The following B3GNT4 variants were observed in gnomAD, a reference collection of about 807,000 sequenced individuals.
B3GNT4 encodes the protein N-acetyllactosaminide beta-1,3-N-acetylglucosaminyltransferase 4.
Under a neutral mutation model 2.7 loss-of-function variants are expected in B3GNT4, and 2 were observed. That is an observed-to-expected ratio of 0.73 (90% confidence interval 0.30 to 2.31). The LOEUF (loss-of-function observed/expected upper bound fraction) is 2.31. Among genes scored for constraint, B3GNT4 ranks in the 30% most tolerant of loss-of-function variants. B3GNT4 has a pLI of 0.12. For missense variants in B3GNT4, 708 were observed against 490.9 expected (o/e 1.44, Z -4.18); for synonymous variants, 280 against 203.4 (o/e 1.38, Z -3.20).
At position 122,207,501 on chromosome 12, in the gene B3GNT4, TCA is replaced by T. The variant is rs1953950423; in HGVS notation, c.*115_*116del. The stretch of plus-strand genomic sequence containing the variant: ...TGCCAACTTGGTTTTTTAACTCCTC[TCA>T]CCCTGTTAGCTCTGATTAAAAACAC... On this transcript the variant is annotated 3_prime_UTR_variant, in exon 3 of 3. Transcript: ENST00000324189. 1 of 979,640 alleles carries T rather than the reference TCA, an allele frequency of 1.0e-6. No individual in the cohort carries two copies. 60.7% of individuals were successfully genotyped at this position (979,640 alleles called of 1,614,324 possible).
chr12:122,208,391 C>G lies in B3GNT4; in HGVS notation c.*1003C>G. On this transcript the variant is annotated 3_prime_UTR_variant, in exon 3 of 3. Transcript: ENST00000324189. Reference sequence around the variant, plus strand: ...AGTGTGCTCAGGCCCTCAATCCTCACGCAGGTAGGCCTCCTGCTCCGACTC... The same window carrying G: ...AGTGTGCTCAGGCCCTCAATCCTCAGGCAGGTAGGCCTCCTGCTCCGACTC... The G allele has an allele frequency of 1.2e-6, 2 of 1,612,434 alleles. No homozygotes were observed. Among genetic ancestry groups the G allele is most frequent in the East Asian group, 4.5e-5 (2 of 44,890 alleles).
rs752646534 is a variant in B3GNT4 at position 122,208,684 on chromosome 12, G to A, written c.*1296G>A. The A allele has an allele frequency of 1.5e-5, 17 of 1,167,778 alleles. 1 individual carries two copies. The highest frequency in any genetic ancestry group is 3.8e-4 in the Middle Eastern group (2 of 5,284). The allele number at this position is 1,167,778 out of a possible 1,614,324, so 72.3% of individuals were successfully genotyped here. Reference sequence around the variant, plus strand: ...GGCTGTCATCTGAACCCCTCTTGGGGTCACTTTCCTTGACCTCCCTGTCTT... The same window carrying A: ...GGCTGTCATCTGAACCCCTCTTGGGATCACTTTCCTTGACCTCCCTGTCTT... On this transcript the variant is annotated 3_prime_UTR_variant, in exon 3 of 3. Coordinates refer to ENST00000324189, the MANE Select transcript of B3GNT4 (RefSeq NM_030765.4).
chr12:122,207,349 G>C lies in B3GNT4; in HGVS notation c.1098G>C (p.Glu366Asp). The C allele has an allele frequency of 3.1e-6, 5 of 1,598,500 alleles. No individual in the cohort carries two copies. Among genetic ancestry groups the C allele is most frequent in the Non-Finnish European group, 4.3e-6 (5 of 1,171,134 alleles). ...CCATGTGGGCACTGGTGACAGATGA[G>C]GGGCTCAAGTGTGCAGCTGGCCCCA... is the stretch of plus-strand genomic sequence containing the variant. ...MWTMWALVTD[E>D]GLKCAAGPIP... Residue 366 changes from glutamate to aspartate, a missense_variant, in exon 3 of 3, where the codon GAG (glutamate) becomes GAC (aspartate). Coordinates refer to ENST00000324189, the MANE Select transcript of B3GNT4 (RefSeq NM_030765.4).
chr12:122,204,054 C>A (rs982447894), intron 1 of B3GNT4, among the ~76,000 whole-genome samples: 1 of 151,914 alleles, frequency 6.6e-6, no homozygotes. Context: ...CGGTAGACCC[C>A]GCCAGCCTGG....
At chr12:122,206,261 A>C in intron 2 of B3GNT4, 57 bp from the exon 3 acceptor site, 2 of 1,425,296 alleles carry the variant, frequency 1.4e-6, no homozygotes, top group Non-Finnish European at 1.9e-6. Context: ...CTCCTGCCCA[A>C]CTCTTGGGGA....
chr12:122,204,970 C>T, intron 2 of B3GNT4: 1 of 446,046 alleles, frequency 2.2e-6, no homozygotes, highest in Admixed American at 3.7e-5. Flanking sequence ...TTCCAGGCTG[C>T]AGTGAGCTAT....
At chr12:122,204,954 C>G (rs1047900643) in intron 2 of B3GNT4, 5 of 476,986 alleles carry the variant, frequency 1.0e-5, no homozygotes. Flanking sequence ...CGCTTGAACC[C>G]AGGAGTTCCA....
Position 122,207,481 on chromosome 12 carries a change from A to G in B3GNT4, c.*93A>G. On this transcript the variant is annotated 3_prime_UTR_variant, in exon 3 of 3. Coordinates refer to ENST00000324189, the MANE Select transcript of B3GNT4 (RefSeq NM_030765.4). ...GCCTGCTGCTCTACAGAAAATGCCA[A>G]CTTGGTTTTTTAACTCCTCTCACCC... The G allele has an allele frequency of 7.9e-7, 1 of 1,268,470 alleles. No homozygotes were observed. Among genetic ancestry groups the G allele is most frequent in the Non-Finnish European group, 1.1e-6 (1 of 945,204 alleles). The allele number at this position is 1,268,470 out of a possible 1,614,324, so 78.6% of individuals were successfully genotyped here. A position where few individuals can be genotyped will look rare whatever the true frequency, so the allele number is the denominator to read the frequency against.
At position 122,206,467 on chromosome 12, in the gene B3GNT4, T is replaced by C. The variant is rs761809734; in HGVS notation, c.216T>C (p.Arg72=). The change falls in exon 3 of 3, where the codon CGT becomes CGC. Residue 72 remains arginine (R), a synonymous_variant. Coordinates refer to ENST00000324189, the MANE Select transcript of B3GNT4 (RefSeq NM_030765.4). ...HQPFWAPPTP[R]HSRCPPNHTV... ...CTTTCTGGGCTCCCCCAACACCCCG[T>C]CACAGCCGGTGTCCACCCAACCACA... is the stretch of plus-strand genomic sequence containing the variant. The C allele has an allele frequency of 5.6e-6, 9 of 1,613,982 alleles. No individual in the cohort carries two copies. The African/African-American group carries it at 1.2e-4, about 22-fold the overall frequency.
rs756552864 is a variant in B3GNT4, at chr12:122,207,093, A to G, written c.842A>G (p.Tyr281Cys). 1.2e-6 allele frequency: 2 copies of G among 1,614,068 alleles called. No individual in the cohort carries two copies. The highest frequency in any genetic ancestry group is 2.2e-5 in the East Asian group (1 of 44,886). Reference protein sequence around the residue: ...HYPPYAGGGGYVMSRATVRRL... With the variant: ...HYPPYAGGGGCVMSRATVRRL... Reference sequence around the variant, plus strand: ...CCACCCTATGCTGGTGGGGGAGGATATGTCATGTCCAGAGCCACAGTGCGG... The same window carrying G: ...CCACCCTATGCTGGTGGGGGAGGATGTGTCATGTCCAGAGCCACAGTGCGG... The change falls in exon 3 of 3, where the codon TAT becomes TGT. Residue 281 changes from tyrosine (Y) to cysteine (C), a missense_variant. Physicochemically the swap from Tyr to Cys is radical, Grantham distance 194. Coordinates refer to ENST00000324189, the MANE Select transcript of B3GNT4 (RefSeq NM_030765.4).
At position 122,206,525 on chromosome 12, in the gene B3GNT4, C is replaced by G; in HGVS notation, c.274C>G (p.Arg92Gly). ...VSSASLSLPS[R>G]HRLFLTYRHC... is the part of the protein sequence containing the mutation. Reference sequence around the variant, plus strand: ...TAGCGCCTCTCTGTCCCTGCCTAGCCGTCACCGTCTCTTCTTGACCTATCG... The same window carrying G: ...TAGCGCCTCTCTGTCCCTGCCTAGCGGTCACCGTCTCTTCTTGACCTATCG... Residue 92 changes from arginine to glycine, a missense_variant, in exon 3 of 3, where the codon CGT becomes GGT. Transcript: ENST00000324189. The G allele has an allele frequency of 6.2e-7, 1 of 1,614,200 alleles. No individual in the cohort carries two copies. Among genetic ancestry groups the G allele is most frequent in the Admixed American group, 1.7e-5 (1 of 60,022 alleles).
Position 122,207,690 on chromosome 12 carries a change from TTTCAGATGCAAACAAA to T in B3GNT4, c.*303_*318del, listed in dbSNP as rs760396817. ...GACCCCAGGAGAGACGCATTTTCTCTTTCAGATGCAAACAAAATCTTACACTCTTCTCCTTTGGATA... is the reference window on the plus strand; with the variant it reads ...GACCCCAGGAGAGACGCATTTTCTCTATCTTACACTCTTCTCCTTTGGATA... On this transcript the variant is annotated 3_prime_UTR_variant, in exon 3 of 3. Coordinates refer to ENST00000324189, the MANE Select transcript of B3GNT4 (RefSeq NM_030765.4). The T allele has an allele frequency of 5.5e-4, 329 of 594,442 alleles. 2 individuals carry two copies. The highest frequency in any genetic ancestry group is 8.2e-4 in the Non-Finnish European group (260 of 317,484). The allele number at this position is 594,442 out of a possible 1,614,324, so 36.8% of individuals were successfully genotyped here. A position where few individuals can be genotyped will look rare whatever the true frequency, so the allele number is the denominator to read the frequency against.
chr12:122,207,696 A>T lies in B3GNT4; in HGVS notation c.*308A>T. 1 of 579,496 alleles carries T rather than the reference A, an allele frequency of 1.7e-6. No homozygotes were observed. The highest frequency in any genetic ancestry group is 1.5e-5 in the South Asian group (1 of 65,544). The allele number at this position is 579,496 out of a possible 1,614,324, so 35.9% of individuals were successfully genotyped here. ...AGGAGAGACGCATTTTCTCTTTCAGATGCAAACAAAATCTTACACTCTTCT... is the reference window on the plus strand; with the variant it reads ...AGGAGAGACGCATTTTCTCTTTCAGTTGCAAACAAAATCTTACACTCTTCT... On this transcript the variant is annotated 3_prime_UTR_variant, in exon 3 of 3. Transcript: ENST00000324189.
Position 122,206,947 on chromosome 12 carries a change from G to A in B3GNT4, c.696G>A (p.Leu232=), listed in dbSNP as rs1953931249. 1 of 1,613,974 alleles carries A rather than the reference G, an allele frequency of 6.2e-7. No individual in the cohort carries two copies. The highest frequency in any genetic ancestry group is 1.7e-5 in the Admixed American group (1 of 59,988). The change falls in exon 3 of 3, where the codon CTG becomes CTA. Residue 232 remains leucine, a synonymous_variant. Transcript: ENST00000324189. ...FVHVPNVLEF[L]DGWDPAQDLL... ...ACGTCCCCAACGTGTTAGAGTTCCT[G>A]GATGGCTGGGACCCAGCCCAGGACC...
In B3GNT4 at chr12:122,206,976, T is replaced by A; in HGVS notation, c.725T>A (p.Leu242Gln). 1 of 1,614,048 alleles carries A rather than the reference T, an allele frequency of 6.2e-7. No homozygotes were observed. Among genetic ancestry groups the A allele is most frequent in the Non-Finnish European group, 8.5e-7 (1 of 1,179,976 alleles). Residue 242 changes from leucine to glutamine, a missense_variant, in exon 3 of 3, where the codon CTG (leucine) becomes CAG (glutamine). Transcript: ENST00000324189. The part of the protein sequence containing the change: ...LDGWDPAQDL[L>Q]VGDVIRQALP... ...GGCTGGGACCCAGCCCAGGACCTCC[T>A]GGTGGGAGATGTCATCCGCCAAGCC...
intron 2 of B3GNT4, 104 bp downstream of exon 2, chr12:122,204,788 C>A: frequency 9.6e-7 from 1 of 1,036,742 alleles, no homozygotes; most frequent in Non-Finnish European, 1.4e-6. Flanking sequence ...GCCTGTAGTC[C>A]CAACGCTTTG....
Position 122,207,040 on chromosome 12 carries a change from A to G in B3GNT4, c.789A>G (p.Pro263=). Residue 263 remains proline (P), a synonymous_variant, in exon 3 of 3, where the codon CCA becomes CCG. Coordinates refer to ENST00000324189, the MANE Select transcript of B3GNT4 (RefSeq NM_030765.4). The part of the protein sequence containing the change: ...NRNTKVKYFI[P]PSMYRATHYP... The stretch of plus-strand genomic sequence containing the variant: ...ACACTAAGGTCAAATACTTCATCCC[A>G]CCCTCAATGTACAGGGCCACCCACT... The G allele has an allele frequency of 6.2e-7, 1 of 1,613,676 alleles. No homozygotes were observed. Among genetic ancestry groups the G allele is most frequent in the Non-Finnish European group, 8.5e-7 (1 of 1,179,812 alleles).
chr12:122,207,281 G>C lies in B3GNT4; in HGVS notation c.1030G>C (p.Gly344Arg), dbSNP rs765978651. The change falls in exon 3 of 3, where the codon GGG becomes CGG. Residue 344 changes from glycine to arginine, a missense_variant. Coordinates refer to ENST00000324189, the MANE Select transcript of B3GNT4 (RefSeq NM_030765.4). ...CCCCTTAGACCCCTGCCTGTATAGGGGGCTCCTGCTGGTTCACCGCCTCAG... is the reference window on the plus strand; with the variant it reads ...CCCCTTAGACCCCTGCCTGTATAGGCGGCTCCTGCTGGTTCACCGCCTCAG... ...LDPLDPCLYR[G>R]LLLVHRLSPL... The C allele has an allele frequency of 1.9e-5, 30 of 1,613,876 alleles. No individual in the cohort carries two copies. The highest frequency in any genetic ancestry group is 2.5e-5 in the Non-Finnish European group (30 of 1,179,994).
At position 122,207,930 on chromosome 12, in the gene B3GNT4, A is replaced by G. The variant is rs766861643; in HGVS notation, c.*542A>G. 34 of 461,484 alleles carry G rather than the reference A, an allele frequency of 7.4e-5. No homozygotes were observed. Among genetic ancestry groups the G allele is most frequent in the Non-Finnish European group, 1.4e-4 (32 of 232,178 alleles). The allele number at this position is 461,484 out of a possible 1,614,324, so 28.6% of individuals were successfully genotyped here. ...ACACATCAGAAATACATACAAAGAAATCGTACAAACTGGACAGGTTCCCCT... is the reference window on the plus strand; with the variant it reads ...ACACATCAGAAATACATACAAAGAAGTCGTACAAACTGGACAGGTTCCCCT... On this transcript the variant is annotated 3_prime_UTR_variant, in exon 3 of 3. Coordinates refer to ENST00000324189, the MANE Select transcript of B3GNT4 (RefSeq NM_030765.4).
Sources: allele counts gnomAD v4.1 joint callset (sites outside exome capture counted in the v4.1 genomes callset), GRCh38; gene constraint gnomAD v4.1.1; transcripts MANE v1.5; gene names NCBI Gene and HGNC (gene_info 2026-07-23, HGNC 2026-07-21).